Variants in CSMD1 observed in about 807,000 individuals in gnomAD.
The protein encoded by CSMD1 is CUB and Sushi multiple domains 1.
Under a neutral mutation model 417.5 loss-of-function variants are expected in CSMD1, and 213 were observed. That is an observed-to-expected ratio of 0.51 (90% confidence interval 0.46 to 0.57). The LOEUF (loss-of-function observed/expected upper bound fraction) is 0.57. Among genes scored for constraint, CSMD1 ranks in the 20% least tolerant of loss-of-function variants. The probability of loss-of-function intolerance (pLI) is 0.00; values close to 1 mark genes in which losing one functional copy is unlikely to be tolerated. For missense variants in CSMD1, 6,923 were observed against 4,529.7 expected, an observed-to-expected ratio of 1.53 and a Z score of -15.17; for synonymous variants, 2,862 against 1,736.8, an observed-to-expected ratio of 1.65 and a Z score of -16.11.
intron 2 of CSMD1, among the ~76,000 whole-genome samples, chr8:4,630,494 AAAAC>A (rs1002158628): frequency 1.3e-5 from 2 of 152,190 alleles, no homozygotes; most frequent in African/African-American, 4.8e-5. Flanking sequence ...ACAAAAAACA[AAAAC>A]AAAAATACTC....
chr8:4,477,191 C>G (rs1174114909), intron 2 of CSMD1, among the ~76,000 whole-genome samples: 2 of 152,214 alleles, frequency 1.3e-5, no homozygotes, highest in African/African-American at 4.8e-5. Flanking sequence ...GCAGACACCT[C>G]CAGCTGAGCC....
intron 3 of CSMD1, among the ~76,000 whole-genome samples, chr8:4,252,879 G>T (rs1191324935): frequency 2.0e-5 from 3 of 152,194 alleles, no homozygotes; most frequent in African/African-American, 2.4e-5. Context: ...AAGGCAAAGA[G>T]AATTTCAGGT....
At chr8:3,698,041 T>A (rs1237660581) in intron 7 of CSMD1, among the ~76,000 whole-genome samples, 1 of 147,892 alleles carries the variant, frequency 6.8e-6, no homozygotes, top group East Asian at 1.9e-4. Context: ...TTTTAATAGA[T>A]CCTTTTTTTC....
chr8:4,851,825 A>G (rs1656593999), intron 1 of CSMD1, among the ~76,000 whole-genome samples: 1 of 152,194 alleles, frequency 6.6e-6, no homozygotes, highest in African/African-American at 2.4e-5. Flanking sequence ...GTTTCCCAAG[A>G]TAATTACAGA....
intron 18 of CSMD1, among the ~76,000 whole-genome samples, chr8:3,384,524 C>A (rs1223151273): frequency 1.3e-5 from 2 of 150,878 alleles, no homozygotes; most frequent in African/African-American, 2.4e-5. Flanking sequence ...TTCATATGCT[C>A]TGATACAACA....
chr8:3,406,315 A>T, intron 14 of CSMD1, 94 bp from the exon 15 acceptor site: 1 of 948,462 alleles, frequency 1.1e-6, no homozygotes, highest in Non-Finnish European at 1.5e-6. Context: ...CTTATAAAGC[A>T]TTCATATAAT....
chr8:3,278,508 T>G (rs949639761), intron 26 of CSMD1: 2 of 152,212 alleles, frequency 1.3e-5, no homozygotes, highest in Non-Finnish European at 2.9e-5. Flanking sequence ...TGGCCACACT[T>G]AAAACATCAA....
At chr8:3,917,477 G>A (rs914327707) in intron 5 of CSMD1, among the ~76,000 whole-genome samples, 1 of 151,960 alleles carries the variant, frequency 6.6e-6, no homozygotes, top group African/African-American at 2.4e-5. Context: ...TGCTACTATG[G>A]CTGAAAGTTT....
intron 61 of CSMD1, among the ~76,000 whole-genome samples, chr8:2,961,459 AT>A (rs970555144): frequency 1.3e-4 from 20 of 151,468 alleles, no homozygotes; most frequent in Middle Eastern, 6.9e-3. Context: ...GAATAAGTGC[AT>A]TTTTTTTCCA....
rs535675446 is a variant in CSMD1, at chr8:4,206,081, A to G, written c.416-173982T>C. ...ATCCATTCTTCCCAATTCAAAGGAC[A>G]GAAAGTGAGTAAATAGGATAAACAA... On this transcript the variant is annotated intron_variant, in intron 3 of 69. Coordinates refer to ENST00000635120, the MANE Select transcript of CSMD1 (RefSeq NM_033225.6). 4.4e-4 allele frequency among the ~76,000 whole-genome samples: 67 copies of G among 152,296 alleles called. 1 individual carries two copies. In the South Asian group the frequency reaches 0.014, roughly 31 times the overall value.
intron 10 of CSMD1, among the ~76,000 whole-genome samples, chr8:3,551,596 A>ATATATATT (rs1261877187): frequency 8.8e-6 from 1 of 113,446 alleles, no homozygotes; most frequent in African/African-American, 3.3e-5. Context: ...ATATATATAT[A>ATATATATT]TTTTTTTTTT....
chr8:4,986,005 T>A (rs934227855), intron 1 of CSMD1, among the ~76,000 whole-genome samples: 1 of 152,214 alleles, frequency 6.6e-6, no homozygotes, highest in Non-Finnish European at 1.5e-5. Context: ...TTTTGTGAAG[T>A]GCCGATCATA....
chr8:4,027,608 G>T (rs1383261177), intron 4 of CSMD1, among the ~76,000 whole-genome samples: 1 of 152,150 alleles, frequency 6.6e-6, no homozygotes, highest in Non-Finnish European at 1.5e-5. Flanking sequence ...GCAGAACTGT[G>T]AGTGAATTAA....
Position 3,475,157 on chromosome 8 carries a change from G to T in CSMD1, c.1449-6333C>A, listed in dbSNP as rs1488510792. Among the ~76,000 whole-genome samples the T allele has an allele frequency of 2.6e-5, 4 of 151,546 alleles. 1 individual carries two copies. Among genetic ancestry groups the T allele is most frequent in the Admixed American group, 2.6e-4 (4 of 15,180 alleles). On this transcript the variant is annotated intron_variant, in intron 11 of 69. Transcript: ENST00000635120. ...GTCTTTGAAGACTCTGAGGATTCTC[G>T]CTGGGCATTTCTTAGCCTCTTGAAG...
In CSMD1 at chr8:4,302,593, G is replaced by A. The variant is rs557930139; in HGVS notation, c.415+117360C>T. 4.2e-4 allele frequency among the ~76,000 whole-genome samples: 64 copies of A among 152,252 alleles called. 2 individuals are homozygous for A. Among genetic ancestry groups the A allele is most frequent in the Admixed American group, 2.4e-3 (37 of 15,286 alleles). On this transcript the variant is annotated intron_variant, in intron 3 of 69. Transcript: ENST00000635120. Reference sequence around the variant, plus strand: ...TCTCAACCCTATACGATAATGCACCGTAAGGGGATTCTCTCCTATGTTGTT... The same window carrying A: ...TCTCAACCCTATACGATAATGCACCATAAGGGGATTCTCTCCTATGTTGTT...
chr8:4,979,717 C>A (rs1459859728), intron 1 of CSMD1, among the ~76,000 whole-genome samples: 1 of 152,148 alleles, frequency 6.6e-6, no homozygotes, highest in African/African-American at 2.4e-5. Flanking sequence ...GACAAATATA[C>A]AGATCAAATC....
rs536817797 is a variant in CSMD1 at position 3,619,133 on chromosome 8, G to A, written c.1010-2336C>T. ...TAGAACACATATCTAAGGTCCCAAT[G>A]AGAAGATGAGGTTAGATTCTTTGGA... On this transcript the variant is annotated intron_variant, in intron 7 of 69. Transcript: ENST00000635120. Among the ~76,000 whole-genome samples the A allele has an allele frequency of 5.7e-4, 84 of 147,296 alleles. 1 individual carries two copies. The highest frequency in any genetic ancestry group is 1.8e-3 in the African/African-American group (68 of 36,794).
intron 3 of CSMD1, among the ~76,000 whole-genome samples, chr8:4,197,499 T>C (rs1182289911): frequency 2.0e-5 from 3 of 152,306 alleles, no homozygotes; most frequent in African/African-American, 7.2e-5. Flanking sequence ...AAACTGACTC[T>C]CTGTCAAGTA....
At chr8:3,214,174 G>A (rs2116815716) in intron 30 of CSMD1, among the ~76,000 whole-genome samples, 1 of 152,202 alleles carries the variant, frequency 6.6e-6, no homozygotes, top group Admixed American at 6.5e-5. Context: ...TGGAGAGAGA[G>A]AGAGAGAGAA....
Sources: allele counts gnomAD v4.1 joint callset (sites outside exome capture counted in the v4.1 genomes callset), GRCh38; gene constraint gnomAD v4.1.1; transcripts MANE v1.5; gene names NCBI Gene and HGNC (gene_info 2026-07-23, HGNC 2026-07-21).